The following CSMD1 variants were observed in gnomAD, a reference collection of about 807,000 sequenced individuals.
The protein encoded by CSMD1 is CUB and Sushi multiple domains 1.
Under a neutral mutation model 417.5 loss-of-function variants are expected in CSMD1, and 213 were observed. That is an observed-to-expected ratio of 0.51 (90% confidence interval 0.46 to 0.57). CSMD1 has a LOEUF of 0.57. Among genes scored for constraint, CSMD1 ranks in the 20% least tolerant of loss-of-function variants. CSMD1 has a pLI of 0.00. For synonymous variants in CSMD1, 2,862 were observed against 1,736.8 expected, an observed-to-expected ratio of 1.65 and a Z score of -16.11; for missense variants, 6,923 against 4,529.7, an observed-to-expected ratio of 1.53 and a Z score of -15.17.
intron 5 of CSMD1, among the ~76,000 whole-genome samples, chr8:3,870,585 G>A (rs903516636): frequency 6.6e-6 from 1 of 152,098 alleles, no homozygotes; most frequent in Non-Finnish European, 1.5e-5. Context: ...TGTAACAGAG[G>A]ATCTCTTTCC....
At chr8:3,428,261 A>T (rs745530446) in intron 12 of CSMD1, among the ~76,000 whole-genome samples, 1 of 152,188 alleles carries the variant, frequency 6.6e-6, no homozygotes, top group African/African-American at 2.4e-5. Flanking sequence ...CTTAAAAGTC[A>T]CTTTAGAAAA....
intron 1 of CSMD1, among the ~76,000 whole-genome samples, chr8:4,741,711 C>T (rs1192868884): frequency 1.3e-5 from 2 of 152,122 alleles, no homozygotes; most frequent in African/African-American, 4.8e-5. Flanking sequence ...ACTCCAGGTT[C>T]CCACATCCCT....
At chr8:3,113,876 T>A (rs1816690241) in intron 42 of CSMD1, among the ~76,000 whole-genome samples, 1 of 152,172 alleles carries the variant, frequency 6.6e-6, no homozygotes, top group South Asian at 2.1e-4. Context: ...AATGTGACTT[T>A]CTGTGAAGAG....
intron 2 of CSMD1, among the ~76,000 whole-genome samples, chr8:4,433,477 G>T (rs1797983377): frequency 6.6e-6 from 1 of 152,166 alleles, no homozygotes; most frequent in African/African-American, 2.4e-5. Context: ...CTGGCTATCT[G>T]CAAGCGCGGC....
At chr8:3,306,165 C>T (rs1386040359) in intron 25 of CSMD1, among the ~76,000 whole-genome samples, 1 of 151,858 alleles carries the variant, frequency 6.6e-6, no homozygotes, top group Non-Finnish European at 1.5e-5. Context: ...TATAGGGTTG[C>T]AGTGAAGTAA....
intron 1 of CSMD1, among the ~76,000 whole-genome samples, chr8:4,707,071 A>G (rs1233606632): frequency 6.6e-6 from 1 of 152,186 alleles, no homozygotes; most frequent in Non-Finnish European, 1.5e-5. Flanking sequence ...TGAGATTAGG[A>G]AAGATCACCC....
At chr8:4,363,608 C>G (rs1320681695) in intron 3 of CSMD1, among the ~76,000 whole-genome samples, 1 of 152,204 alleles carries the variant, frequency 6.6e-6, no homozygotes, top group African/African-American at 2.4e-5. Context: ...AAAGAGACAA[C>G]ATCAACGTCC....
intron 1 of CSMD1, among the ~76,000 whole-genome samples, chr8:4,729,560 C>G (rs953846797): frequency 1.3e-5 from 2 of 152,038 alleles, no homozygotes; most frequent in Non-Finnish European, 2.9e-5. Flanking sequence ...ATGCATTAGG[C>G]AAATTTCGAT....
At chr8:4,403,522 C>G (rs1384053121) in intron 3 of CSMD1, among the ~76,000 whole-genome samples, 2 of 152,130 alleles carry the variant, frequency 1.3e-5, no homozygotes, top group Admixed American at 6.5e-5. Context: ...TCAGTCATGA[C>G]TTAGTATCAT....
intron 3 of CSMD1, among the ~76,000 whole-genome samples, chr8:4,061,298 C>G (rs139860164): frequency 2.1e-4 from 32 of 152,188 alleles, no homozygotes; most frequent in African/African-American, 4.1e-4. Flanking sequence ...TACATCTTAT[C>G]ATACAAGAAT....
chr8:4,037,735 G>C (rs961589426), intron 3 of CSMD1, among the ~76,000 whole-genome samples: 10 of 152,062 alleles, frequency 6.6e-5, no homozygotes, highest in Non-Finnish European at 1.5e-4. Flanking sequence ...TGTTCTTTAT[G>C]ACTCTATCAG....
Position 3,991,081 on chromosome 8 carries a change from G to A in CSMD1, c.818+6822C>T, listed in dbSNP as rs139371519. Among the ~76,000 whole-genome samples, 428 of 152,300 alleles carry A rather than the reference G, an allele frequency of 2.8e-3. 3 individuals carry two copies. Among genetic ancestry groups the A allele is most frequent in the African/African-American group, 0.01 (416 of 41,572 alleles). On this transcript the variant is annotated intron_variant, in intron 5 of 69. Coordinates refer to ENST00000635120, the MANE Select transcript of CSMD1 (RefSeq NM_033225.6). ...CATCTTTCCCAGAAATTCCTTCGCT[G>A]CCCAGCGGCTTCATCCCTGGCCACG...
intron 1 of CSMD1, among the ~76,000 whole-genome samples, chr8:4,828,308 G>A (rs1445874600): frequency 6.6e-6 from 1 of 152,158 alleles, no homozygotes; most frequent in African/African-American, 2.4e-5. Context: ...CAACAAATGT[G>A]CTGACTTTTC....
intron 1 of CSMD1, among the ~76,000 whole-genome samples, chr8:4,656,260 G>C (rs1028324333): frequency 2.0e-5 from 3 of 152,030 alleles, no homozygotes; most frequent in Non-Finnish European, 4.4e-5. Context: ...TCAGGGGGCA[G>C]TAGAAGAAGC....
rs1803574063 is a variant in CSMD1, at chr8:2,962,473, G to A, written c.9621C>T (p.Thr3207=). The A allele has an allele frequency of 6.2e-7, 1 of 1,613,202 alleles. No individual in the cohort carries two copies. The highest frequency in any genetic ancestry group is 8.5e-7 in the Non-Finnish European group (1 of 1,179,320). The change falls in exon 61 of 70, where the codon ACC becomes ACT. Residue 3207 remains threonine, a synonymous_variant. Coordinates refer to ENST00000635120, the MANE Select transcript of CSMD1 (RefSeq NM_033225.6). ...ADGTWSGIQP[T]CIDPAHNTCP... ...CTGTATGATAATTATTACCAATGCA[G>A]GTGGGTTGTATGCCGCTCCACGTGC... is the stretch of plus-strand genomic sequence containing the variant.
intron 9 of CSMD1, among the ~76,000 whole-genome samples, chr8:3,580,740 T>TG (rs1800347449): frequency 6.6e-6 from 1 of 152,176 alleles, no homozygotes; most frequent in Admixed American, 6.6e-5. Flanking sequence ...AGTGGTTACC[T>TG]GATCAAATAC....
At chr8:4,938,577 T>A (rs1807774882) in intron 1 of CSMD1, among the ~76,000 whole-genome samples, 1 of 152,156 alleles carries the variant, frequency 6.6e-6, no homozygotes. Context: ...CAGTTGTCAG[T>A]CTTATCGGGA....
chr8:4,283,972 C>T (rs183784719), intron 3 of CSMD1, among the ~76,000 whole-genome samples: 1 of 152,190 alleles, frequency 6.6e-6, no homozygotes, highest in Admixed American at 6.5e-5. Context: ...GTGGCTCACA[C>T]TTGTAATCGT....
intron 26 of CSMD1, among the ~76,000 whole-genome samples, chr8:3,251,595 G>C (rs1182785278): frequency 2.0e-5 from 3 of 152,096 alleles, no homozygotes; most frequent in African/African-American, 7.2e-5. Context: ...TTCCAATTCT[G>C]TGAAGAAAGT....
Sources: allele counts gnomAD v4.1 joint callset (sites outside exome capture counted in the v4.1 genomes callset), GRCh38; gene constraint gnomAD v4.1.1; transcripts MANE v1.5; gene names NCBI Gene and HGNC (gene_info 2026-07-23, HGNC 2026-07-21).